Variants in MUSK observed in about 807,000 individuals in gnomAD.
MUSK encodes muscle, skeletal receptor tyrosine-protein kinase.
A neutral mutation model predicts 88.7 loss-of-function variants in MUSK; 55 were observed. The observed-to-expected ratio is 0.62, with a 90% CI of 0.50 to 0.78. MUSK has a LOEUF of 0.78. Among genes scored for constraint, MUSK ranks in the 30% least tolerant of loss-of-function variants. The pLI, the probability that MUSK is intolerant of heterozygous loss-of-function variation, is 0.00. For synonymous variants in MUSK, 387 were observed against 391.9 expected (o/e 0.99, Z 0.15); for missense variants, 1,015 against 1,074.3 (o/e 0.94, Z 0.77).
intron 7 of MUSK, among the ~76,000 whole-genome samples, chr9:110,752,464 G>A (rs1303715261): frequency 1.3e-5 from 2 of 152,240 alleles, no homozygotes; most frequent in African/African-American, 2.4e-5. Flanking sequence ...GGCATCCGAT[G>A]AGGCTGGCCA....
At chr9:110,705,366 T>G (rs1035582837) in intron 5 of MUSK, among the ~76,000 whole-genome samples, 5 of 152,132 alleles carry the variant, frequency 3.3e-5, no homozygotes, top group African/African-American at 1.2e-4. Flanking sequence ...AACATGCCAT[T>G]TCTTTAGGGA....
chr9:110,755,979 C>CGTATATGT (rs111630775), intron 7 of MUSK, among the ~76,000 whole-genome samples: 4 of 102,518 alleles, frequency 3.9e-5, no homozygotes, highest in Non-Finnish European at 7.9e-5. Context: ...TATATATATA[C>CGTATATGT]ATATATATAT....
At chr9:110,779,484 C>T (rs1022558932) in intron 11 of MUSK, among the ~76,000 whole-genome samples, 2 of 152,088 alleles carry the variant, frequency 1.3e-5, no homozygotes, top group African/African-American at 2.4e-5. Context: ...TAAATATCTC[C>T]AATTTTTAAC....
chr9:110,683,853 T>A (rs963314624), intron 2 of MUSK, among the ~76,000 whole-genome samples: 1 of 152,204 alleles, frequency 6.6e-6, no homozygotes, highest in African/African-American at 2.4e-5. Context: ...TAGAGTTGTT[T>A]GAGCTCCATA....
At chr9:110,744,548 A>T (rs1366141984) in intron 6 of MUSK, among the ~76,000 whole-genome samples, 1 of 152,204 alleles carries the variant, frequency 6.6e-6, no homozygotes, top group Non-Finnish European at 1.5e-5. Flanking sequence ...TGCCTATTTA[A>T]TAGAGCTTCC....
chr9:110,724,881 A>C (rs1019760612), intron 5 of MUSK, among the ~76,000 whole-genome samples: 1 of 151,972 alleles, frequency 6.6e-6, no homozygotes, highest in African/African-American at 2.4e-5. Flanking sequence ...TATAAAAATA[A>C]AAATTTATAT....
intron 9 of MUSK, 57 bp from the exon 10 acceptor site, chr9:110,775,731 A>C (rs979841133): frequency 4.6e-6 from 7 of 1,526,034 alleles, no homozygotes; most frequent in Non-Finnish European, 6.4e-6. Context: ...GCTCTGCCAC[A>C]AATTTGCTTT....
intron 3 of MUSK, among the ~76,000 whole-genome samples, chr9:110,689,464 T>C (rs1392171847): frequency 1.2e-4 from 13 of 112,186 alleles, no homozygotes; most frequent in Non-Finnish European, 4.9e-5. Context: ...TACATATTTA[T>C]ATATATGTAA....
Position 110,800,946 on chromosome 9 carries a change from G to A in MUSK, c.2568G>A (p.Leu856=), listed in dbSNP as rs2078087949. The change falls in exon 15 of 15, where the codon CTG becomes CTA. Residue 856 remains leucine (L), a synonymous_variant. Coordinates refer to ENST00000374448, the MANE Select transcript of MUSK (RefSeq NM_005592.4). ...GTTTCACCAGTATTCACCGAATTCT[G>A]GAACGCATGTGTGAGAGGGCAGAGG... is the stretch of plus-strand genomic sequence containing the variant. The part of the protein sequence containing the change: ...RPSFTSIHRI[L]ERMCERAEGT... The A allele has an allele frequency of 6.6e-7, 1 of 1,525,122 alleles. No individual in the cohort carries two copies. Among genetic ancestry groups the A allele is most frequent in the Non-Finnish European group, 8.8e-7 (1 of 1,138,108 alleles). The allele number at this position is 1,525,122 out of a possible 1,614,324, so 94.5% of individuals were successfully genotyped here. A position where few individuals can be genotyped will look rare whatever the true frequency, so the allele number is the denominator to read the frequency against.
intron 3 of MUSK, among the ~76,000 whole-genome samples, chr9:110,691,465 C>G (rs73657640): frequency 6.6e-6 from 1 of 152,050 alleles, no homozygotes; most frequent in Non-Finnish European, 1.5e-5. Flanking sequence ...TACCTTGATT[C>G]GTCTCTGTTC....
intron 14 of MUSK, among the ~76,000 whole-genome samples, chr9:110,791,082 T>G (rs770924069): frequency 8.6e-5 from 13 of 151,746 alleles, no homozygotes; most frequent in Non-Finnish European, 1.8e-4. Context: ...GTAGGATCAA[T>G]AGATTAAAAG....
intron 14 of MUSK, chr9:110,788,058 T>C (rs185906534): frequency 8.3e-4 from 451 of 540,688 alleles, no homozygotes; most frequent in Non-Finnish European, 1.3e-3. Flanking sequence ...TTTGTCTCTG[T>C]CTTTGCTGCC....
chr9:110,790,079 C>T (rs2077946889), intron 14 of MUSK, among the ~76,000 whole-genome samples: 1 of 152,016 alleles, frequency 6.6e-6, no homozygotes, highest in South Asian at 2.1e-4. Context: ...AAACGAGCAA[C>T]CAATGAAATA....
rs2077274812 is a variant in MUSK at position 110,753,554 on chromosome 9, T to A, written c.913+5754T>A. 4.6e-5 allele frequency among the ~76,000 whole-genome samples: 7 copies of A among 151,976 alleles called. No homozygotes were observed. The South Asian group carries it at 1.5e-3, about 32-fold the overall frequency. ...CTTCATCAGAGAGTGCAGTCCATGG[T>A]TCTATCCATGTTTATCCAGTCTCAG... On this transcript the variant is annotated intron_variant, in intron 7 of 14. Transcript: ENST00000374448.
intron 13 of MUSK, 68 bp downstream of exon 13, chr9:110,785,786 A>C (rs2077847078): frequency 9.0e-7 from 1 of 1,114,418 alleles, no homozygotes; most frequent in African/African-American, 1.6e-5. Context: ...CCAAACTATT[A>C]GCTTGGTATA....
intron 5 of MUSK, chr9:110,727,497 G>C: frequency 6.5e-6 from 1 of 153,168 alleles, no homozygotes. Context: ...AGAGAATGGA[G>C]TCATCTGACT....
intron 7 of MUSK, chr9:110,748,030 A>G (rs1458220410): frequency 4.5e-6 from 3 of 674,014 alleles, no homozygotes; most frequent in Non-Finnish European, 8.2e-6. Flanking sequence ...GGTAGGTAAC[A>G]GCTTCCAGGA....
intron 6 of MUSK, among the ~76,000 whole-genome samples, chr9:110,746,292 G>GA (rs2077173865): frequency 6.6e-6 from 1 of 151,990 alleles, no homozygotes. Context: ...AGAAAACAGT[G>GA]AAAAAAGAAC....
intron 3 of MUSK, among the ~76,000 whole-genome samples, chr9:110,693,920 C>G (rs1371657396): frequency 6.6e-6 from 1 of 151,996 alleles, no homozygotes; most frequent in Non-Finnish European, 1.5e-5. Context: ...AGGAACCTGG[C>G]CAGTACTGTA....
Sources: allele counts gnomAD v4.1 joint callset (sites outside exome capture counted in the v4.1 genomes callset), GRCh38; gene constraint gnomAD v4.1.1; transcripts MANE v1.5; gene names NCBI Gene and HGNC (gene_info 2026-07-23, HGNC 2026-07-21).